MTFR1: variants seen among roughly 807,000 people sequenced by gnomAD.
MTFR1 encodes chondrocyte protein with a poly-proline region.
In MTFR1, 28 loss-of-function variants were observed where a neutral mutation model predicts 38.8. That is an observed-to-expected ratio of 0.72 (90% CI 0.53 to 0.99). MTFR1 has a LOEUF of 0.99. Ranked by LOEUF, MTFR1 falls within the 50% of genes least tolerant of loss-of-function variation. The probability of loss-of-function intolerance (pLI) is 0.00; values close to 1 mark genes in which losing one functional copy is unlikely to be tolerated. For missense variants in MTFR1, 358 were observed against 395.5 expected, an observed-to-expected ratio of 0.91 and a Z score of 0.81; for synonymous variants, 145 against 137.0, an observed-to-expected ratio of 1.06 and a Z score of -0.41.
chr8:65,746,064 G>C (rs1366793921), intron 3 of MTFR1, among the ~76,000 whole-genome samples: 1 of 151,894 alleles, frequency 6.6e-6, no homozygotes, highest in East Asian at 1.9e-4. Flanking sequence ...CCGAGAAGCT[G>C]GGACTACAAG....
At chr8:65,728,015 T>G (rs1806680518) in intron 3 of MTFR1, 1 of 152,218 alleles carries the variant, frequency 6.6e-6, no homozygotes, top group Admixed American at 6.5e-5. Context: ...ATAAAAAAGA[T>G]CACCTTGACT....
intron 5 of MTFR1, among the ~76,000 whole-genome samples, chr8:65,706,730 G>C (rs1345036340): frequency 2.6e-5 from 4 of 152,112 alleles, no homozygotes; most frequent in Non-Finnish European, 5.9e-5. Flanking sequence ...ATTACAAACT[G>C]TGCTGTAGTC....
Position 65,769,547 on chromosome 8 carries a change from T to G in MTFR1, c.*49-1400T>G, listed in dbSNP as rs549583018. ...AAATGTCTTCCCAAAGCTTGAACTC[T>G]CTCGGCTCTTTATAAATAACTACAG... On this transcript the variant is annotated intron_variant, in intron 3 of 3. Coordinates refer to the MTFR1 transcript ENST00000521247. 3.9e-5 allele frequency among the ~76,000 whole-genome samples: 6 copies of G among 152,330 alleles called. No homozygotes were observed. In the South Asian group the frequency reaches 1.2e-3, roughly 32 times the overall value.
At chr8:65,738,530 T>C (rs1266394686) in intron 3 of MTFR1, among the ~76,000 whole-genome samples, 3 of 151,920 alleles carry the variant, frequency 2.0e-5, no homozygotes, top group Non-Finnish European at 2.9e-5. Flanking sequence ...AAGACTAGAG[T>C]TGATATCTTG....
intron 1 of MTFR1, among the ~76,000 whole-genome samples, chr8:65,645,507 G>C (rs1028928204): frequency 1.3e-5 from 2 of 152,318 alleles, no homozygotes; most frequent in Admixed American, 1.3e-4. Context: ...ATCAATACGT[G>C]GGCAGTCTTG....
At chr8:65,677,887 G>A (rs1363654326) in intron 2 of MTFR1, among the ~76,000 whole-genome samples, 5 of 151,234 alleles carry the variant, frequency 3.3e-5, no homozygotes, top group South Asian at 2.1e-4. Flanking sequence ...GTGGTGGCAC[G>A]TGCCTGTAGT....
chr8:65,654,580 G>GTGTGT (rs140729430), intron 1 of MTFR1, among the ~76,000 whole-genome samples: 28,919 of 151,520 alleles, frequency 0.19, 2,882 homozygotes, highest in Middle Eastern at 0.23. Flanking sequence ...CAATTTTTTT[G>GTGTGT]TGTGTTGTGT....
intron 3 of MTFR1, among the ~76,000 whole-genome samples, chr8:65,766,609 C>T (rs970719385): frequency 2.0e-5 from 3 of 152,222 alleles, no homozygotes; most frequent in Non-Finnish European, 2.9e-5. Context: ...CCAGCATTGA[C>T]GTCAGTCTCT....
intron 3 of MTFR1, chr8:65,739,544 CAATT>C (rs1807311545): frequency 1.3e-6 from 2 of 1,567,592 alleles, no homozygotes; most frequent in Admixed American, 2.0e-5. Flanking sequence ...TGGAAGTACT[CAATT>C]AATCCATGAA....
chr8:65,707,157 G>GA lies in MTFR1; in HGVS notation c.668dup (p.Thr224AspfsTer4). The GA allele has an allele frequency of 6.2e-7, 1 of 1,614,114 alleles. No individual in the cohort carries two copies. Among genetic ancestry groups the GA allele is most frequent in the Non-Finnish European group, 8.5e-7 (1 of 1,179,992 alleles). On this transcript the variant is annotated frameshift_variant, in exon 6 of 8. Transcript: ENST00000262146. LOFTEE classifies it high-confidence loss of function. ...CGAAGAGAGAAAAGAGCCAATGCTGGAAAGACTTTGGTTAAGAACAATCCA... is the reference window on the plus strand; with the variant it reads ...CGAAGAGAGAAAAGAGCCAATGCTGGAAAAGACTTTGGTTAAGAACAATCCA...
At chr8:65,713,485 A>ACAC (rs1169373621), downstream of MTFR1, among the ~76,000 whole-genome samples, 250 of 119,502 alleles carry the variant, frequency 2.1e-3, no homozygotes, top group Admixed American at 0.011. Flanking sequence ...CACACACACA[A>ACAC]ACAAAACAAA....
intron 3 of MTFR1, among the ~76,000 whole-genome samples, chr8:65,770,152 TGTGTGTGTGTGC>T (rs967393937): frequency 4.2e-5 from 6 of 143,548 alleles, no homozygotes; most frequent in African/African-American, 1.5e-4. Flanking sequence ...TGTGTGTGTG[TGTGTGTGTGTGC>T]CACACCTAAT....
chr8:65,752,721 T>C (rs1022261155), intron 3 of MTFR1, among the ~76,000 whole-genome samples: 4 of 152,188 alleles, frequency 2.6e-5, no homozygotes, highest in African/African-American at 9.6e-5. Flanking sequence ...TTGAATTATA[T>C]CTCTAAATAT....
chr8:65,677,742 G>A (rs1238200014), intron 2 of MTFR1, among the ~76,000 whole-genome samples: 1 of 151,610 alleles, frequency 6.6e-6, no homozygotes, highest in African/African-American at 2.4e-5. Context: ...ATCTTGCCAG[G>A]CTTGGTGGCT....
At chr8:65,683,410 G>A (rs1234588010) in intron 3 of MTFR1, among the ~76,000 whole-genome samples, 2 of 152,110 alleles carry the variant, frequency 1.3e-5, no homozygotes, top group Non-Finnish European at 2.9e-5. Context: ...GATTACAGGT[G>A]TGAGCCACTG....
the MTFR1 span, among the ~76,000 whole-genome samples, chr8:65,777,623 C>A: frequency 6.6e-6 from 1 of 152,138 alleles, no homozygotes; most frequent in African/African-American, 2.4e-5. Context: ...CCTTACGTAA[C>A]AAATTGTGAA....
chr8:65,698,191 C>T (rs1330816124), intron 4 of MTFR1, among the ~76,000 whole-genome samples: 1 of 150,604 alleles, frequency 6.6e-6, no homozygotes, highest in African/African-American at 2.4e-5. Flanking sequence ...CTCTGTCACC[C>T]GGGCTGGAGT....
chr8:65,728,979 A>T (rs1368071865), intron 3 of MTFR1, among the ~76,000 whole-genome samples: 1 of 152,162 alleles, frequency 6.6e-6, no homozygotes, highest in Non-Finnish European at 1.5e-5. Context: ...AATATTTGAT[A>T]TAAAAATGTA....
chr8:65,705,424 T>G (rs1805756219), intron 5 of MTFR1, among the ~76,000 whole-genome samples: 1 of 152,238 alleles, frequency 6.6e-6, no homozygotes, highest in Admixed American at 6.5e-5. Flanking sequence ...TTGAACAATC[T>G]TGGTGCTGTC....
Sources: allele counts gnomAD v4.1 joint callset (sites outside exome capture counted in the v4.1 genomes callset), GRCh38; gene constraint gnomAD v4.1.1; transcripts MANE v1.5; gene names NCBI Gene and HGNC (gene_info 2026-07-23, HGNC 2026-07-21).